GRIN2A: variants seen among roughly 807,000 people sequenced by gnomAD.
GRIN2A encodes the protein glutamate ionotropic receptor NMDA type subunit 2A, also known as glutamate receptor ionotropic, NMDA 2A.
A neutral mutation model predicts 113.4 loss-of-function variants in GRIN2A; 22 were observed. The observed-to-expected ratio is 0.19, with a 90% CI of 0.14 to 0.28. The LOEUF (loss-of-function observed/expected upper bound fraction) is 0.28. Among genes scored for constraint, GRIN2A ranks in the 10% least tolerant of loss-of-function variants. The pLI, the probability that GRIN2A is intolerant of heterozygous loss-of-function variation, is 1.00. For missense variants in GRIN2A, 1,502 were observed against 1,887.0 expected (o/e 0.80, Z 3.78); for synonymous variants, 827 against 738.4 (o/e 1.12, Z -1.94).
intron 11 of GRIN2A, 192 bp from the exon 12 acceptor site, chr16:9,769,281 T>C: frequency 2.0e-6 from 1 of 499,582 alleles, no homozygotes; most frequent in Non-Finnish European, 3.5e-6. Context: ...TACCTAATAT[T>C]GTTGCAGTGA....
intron 2 of GRIN2A, among the ~76,000 whole-genome samples, chr16:10,121,083 G>A (rs755314971): frequency 5.9e-5 from 9 of 152,050 alleles, no homozygotes; most frequent in Non-Finnish European, 1.2e-4. Context: ...TACTTTCATC[G>A]GTCCAACACT....
At position 9,760,989 on chromosome 16, in the gene GRIN2A, G is replaced by A; in HGVS notation, c.*2160C>T. The A allele has an allele frequency of 4.3e-6, 1 of 232,490 alleles. No individual in the cohort carries two copies. The allele number at this position is 232,490 out of a possible 1,614,324, so 14.4% of individuals were successfully genotyped here. On this transcript the variant is annotated 3_prime_UTR_variant, in exon 13 of 13. Transcript: ENST00000330684. Reference sequence around the variant, plus strand: ...TCGATCCAGGCTTCTCCATGGCTGGGTCTTGGGGCAGCAGAGGTACAGCAT... The same window carrying A: ...TCGATCCAGGCTTCTCCATGGCTGGATCTTGGGGCAGCAGAGGTACAGCAT...
chr16:9,884,844 G>C (rs1296055734), intron 4 of GRIN2A, among the ~76,000 whole-genome samples: 1 of 150,868 alleles, frequency 6.6e-6, no homozygotes, highest in African/African-American at 2.4e-5. Flanking sequence ...CCGCCTCCTG[G>C]GTTCACGCCA....
At position 9,937,316 on chromosome 16, in the gene GRIN2A, A is replaced by G. The variant is rs563162719; in HGVS notation, c.1007+643T>C. On this transcript the variant is annotated intron_variant, in intron 3 of 12. Coordinates refer to ENST00000330684, the MANE Select transcript of GRIN2A (RefSeq NM_001134407.3). The stretch of plus-strand genomic sequence containing the variant: ...TATACGATAGCATAATAGGGTGACT[A>G]TAGTCAATAATAAATGACTTGTGTA... Among the ~76,000 whole-genome samples, 3 of 152,314 alleles carry G rather than the reference A, an allele frequency of 2.0e-5. No individual in the cohort carries two copies. The East Asian group carries it at 5.8e-4, about 29-fold the overall frequency.
At chr16:10,098,380 T>C (rs1201503153) in intron 2 of GRIN2A, among the ~76,000 whole-genome samples, 1 of 152,236 alleles carries the variant, frequency 6.6e-6, no homozygotes, top group African/African-American at 2.4e-5. Flanking sequence ...ACAACCACTA[T>C]GGAAAACAGT....
chr16:10,144,737 A>C (rs926427682), intron 2 of GRIN2A, among the ~76,000 whole-genome samples: 1 of 152,096 alleles, frequency 6.6e-6, no homozygotes, highest in Non-Finnish European at 1.5e-5. Context: ...CCTGGCCAAC[A>C]TGGTGAAACC....
intron 4 of GRIN2A, among the ~76,000 whole-genome samples, chr16:9,890,378 T>G (rs925990670): frequency 6.6e-6 from 1 of 152,234 alleles, no homozygotes; most frequent in African/African-American, 2.4e-5. Flanking sequence ...ATCTCTCCTC[T>G]CTGACCCAGG....
intron 12 of GRIN2A, among the ~76,000 whole-genome samples, chr16:9,767,946 C>T (rs778102773): frequency 6.6e-6 from 1 of 152,238 alleles, no homozygotes; most frequent in Non-Finnish European, 1.5e-5. Context: ...CAAATTGTAA[C>T]ATCTTGCATA....
At chr16:10,075,100 G>A (rs2047842739) in intron 2 of GRIN2A, among the ~76,000 whole-genome samples, 1 of 152,128 alleles carries the variant, frequency 6.6e-6, no homozygotes, top group Admixed American at 6.5e-5. Context: ...TCTCAGCCCT[G>A]AACTTGCTGG....
intron 2 of GRIN2A, among the ~76,000 whole-genome samples, chr16:10,115,251 T>G (rs1423938610): frequency 6.6e-6 from 1 of 152,216 alleles, no homozygotes; most frequent in East Asian, 1.9e-4. Context: ...CAGCTTACTT[T>G]GTAATTTCCT....
intron 2 of GRIN2A, among the ~76,000 whole-genome samples, chr16:9,965,567 T>G (rs994598399): frequency 6.6e-6 from 1 of 152,118 alleles, no homozygotes; most frequent in African/African-American, 2.4e-5. Flanking sequence ...TCCTCGACAC[T>G]TGAAGAGATG....
intron 2 of GRIN2A, among the ~76,000 whole-genome samples, chr16:9,995,707 C>T (rs1388290445): frequency 6.6e-6 from 1 of 152,174 alleles, no homozygotes; most frequent in Non-Finnish European, 1.5e-5. Flanking sequence ...GATTCTTGCA[C>T]TTACATTTTC....
chr16:10,167,805 T>G (rs1004277966), intron 2 of GRIN2A, among the ~76,000 whole-genome samples: 1 of 152,176 alleles, frequency 6.6e-6, no homozygotes, highest in Admixed American at 6.5e-5. Flanking sequence ...GTGAAAGCAT[T>G]TGGAAAGCAA....
At chr16:9,980,145 C>T (rs1334085408) in intron 2 of GRIN2A, among the ~76,000 whole-genome samples, 3 of 151,584 alleles carry the variant, frequency 2.0e-5, no homozygotes, top group Non-Finnish European at 4.4e-5. Flanking sequence ...TGGTGGTGCA[C>T]GCCTGCAGTC....
chr16:9,875,891 C>T (rs2043355516), intron 4 of GRIN2A, among the ~76,000 whole-genome samples: 1 of 152,164 alleles, frequency 6.6e-6, no homozygotes, highest in African/African-American at 2.4e-5. Context: ...TGCACCTCTC[C>T]TGTTTATGCT....
At chr16:10,099,750 C>G (rs576498143) in intron 2 of GRIN2A, among the ~76,000 whole-genome samples, 37 of 152,330 alleles carry the variant, frequency 2.4e-4, no homozygotes, top group African/African-American at 8.9e-4. Context: ...TCAGGACCCT[C>G]CTTCACTCCC....
rs537236490 is a variant in GRIN2A, at chr16:10,095,759, C to T, written c.414+84239G>A. 2.7e-4 allele frequency among the ~76,000 whole-genome samples: 41 copies of T among 152,250 alleles called. 1 individual carries two copies. In the South Asian group the frequency reaches 8.5e-3, roughly 32 times the overall value. On this transcript the variant is annotated intron_variant, in intron 2 of 12. Coordinates refer to ENST00000330684, the MANE Select transcript of GRIN2A (RefSeq NM_001134407.3). The stretch of plus-strand genomic sequence containing the variant: ...AACTTTACAGTAGAGACTGCAGATA[C>T]TACCTTAACCACGGAGTCAAAATTA...
intron 2 of GRIN2A, among the ~76,000 whole-genome samples, chr16:10,034,862 A>G (rs1407804399): frequency 6.6e-6 from 1 of 152,226 alleles, no homozygotes; most frequent in Non-Finnish European, 1.5e-5. Context: ...AGACAGTCCT[A>G]ATAGGTCAGC....
At chr16:10,156,533 G>A (rs1419482059) in intron 2 of GRIN2A, among the ~76,000 whole-genome samples, 1 of 152,194 alleles carries the variant, frequency 6.6e-6, no homozygotes, top group Non-Finnish European at 1.5e-5. Context: ...GCACTGAGGG[G>A]AGGAAGATGA....
Sources: gnomAD v4.1 joint callset for allele counts (sites outside exome capture counted in the v4.1 genomes callset) on GRCh38, gnomAD v4.1.1 for gene constraint, MANE v1.5 for transcripts, NCBI Gene and HGNC (gene_info 2026-07-23, HGNC 2026-07-21) for gene names.